FAM3B: variants seen among roughly 807,000 people sequenced by gnomAD.
FAM3B encodes the protein protein FAM3B.
In FAM3B, 29 loss-of-function variants were observed where a neutral mutation model predicts 28.4. The observed-to-expected ratio is 1.02, with a 90% CI of 0.76 to 1.39. The LOEUF (loss-of-function observed/expected upper bound fraction) is 1.39, where lower values mean the gene tolerates loss of function less well. Among genes scored for constraint, FAM3B ranks in the 40% most tolerant of loss-of-function variants. The pLI is 0.00. For missense variants in FAM3B, 266 were observed against 293.9 expected (o/e 0.91, Z 0.69); for synonymous variants, 91 against 103.0 (o/e 0.88, Z 0.71).
At chr21:41,318,523 G>T (rs750102370) in intron 1 of FAM3B, among the ~76,000 whole-genome samples, 7 of 152,182 alleles carry the variant, frequency 4.6e-5, no homozygotes, top group African/African-American at 1.4e-4. Context: ...TGCCAAAAAG[G>T]CTCAGTGCAC....
chr21:41,317,050 C>A, intron 1 of FAM3B, 152 bp downstream of exon 1: 2 of 701,844 alleles, frequency 2.8e-6, no homozygotes, highest in Non-Finnish European at 4.0e-6. Context: ...GACCTGGGAT[C>A]AGGAATGCGG....
chr21:41,332,120 T>C (rs2088911546), intron 2 of FAM3B, among the ~76,000 whole-genome samples: 1 of 152,182 alleles, frequency 6.6e-6, no homozygotes, highest in African/African-American at 2.4e-5. Flanking sequence ...TGAGATCTGG[T>C]CATTTAAAAG....
chr21:41,323,977 A>G (rs2088833458), intron 2 of FAM3B, among the ~76,000 whole-genome samples: 1 of 152,176 alleles, frequency 6.6e-6, no homozygotes, highest in Non-Finnish European at 1.5e-5. Flanking sequence ...CGCAGATTTC[A>G]TGTCTGGTGG....
chr21:41,338,380 C>G lies in FAM3B; in HGVS notation c.166C>G (p.Pro56Ala), dbSNP rs752650804. Reference protein sequence around the residue: ...SIGERPVLKAPVPKRQKCDHW... With the variant: ...SIGERPVLKAAVPKRQKCDHW... ...ATATACTTTCTTATTCATTACAGCT[C>G]CAGTCCCCAAAAGGCAAAAATGTGA... The change falls in exon 3 of 8, where the codon CCA (proline) becomes GCA (alanine). Residue 56 changes from proline to alanine, a missense_variant and splice_region_variant. Pro to Ala is a conservative substitution (Grantham distance 27, BLOSUM62 -1). Transcript: ENST00000357985. The G allele has an allele frequency of 3.1e-6, 5 of 1,614,088 alleles. No homozygotes were observed. Among genetic ancestry groups the G allele is most frequent in the African/African-American group, 2.7e-5 (2 of 75,030 alleles).
At chr21:41,348,380 G>T (rs531915302) in intron 6 of FAM3B, among the ~76,000 whole-genome samples, 1 of 152,272 alleles carries the variant, frequency 6.6e-6, no homozygotes, top group South Asian at 2.1e-4. Context: ...GCCTAAAATG[G>T]CTCTGGATGT....
rs113948355 is a variant in FAM3B, at chr21:41,307,691, G to C, written n.99+3381G>C. Among the ~76,000 whole-genome samples the C allele has an allele frequency of 2.0e-3, 299 of 152,244 alleles. 3 individuals are homozygous for C. Among genetic ancestry groups the C allele is most frequent in the African/African-American group, 6.6e-3 (274 of 41,540 alleles). On this transcript the variant is annotated intron_variant and non_coding_transcript_variant, in intron 1 of 9. Coordinates refer to the FAM3B transcript ENST00000479810. ...TCTCAGGGAACAGGCTCAAGGAGAGGGAGAGAGATGGGGAATAGCTGGTTA... is the reference window on the plus strand; with the variant it reads ...TCTCAGGGAACAGGCTCAAGGAGAGCGAGAGAGATGGGGAATAGCTGGTTA...
chr21:41,314,762 TA>T (rs34615145), upstream of FAM3B, among the ~76,000 whole-genome samples: 63,208 of 147,092 alleles, frequency 0.43, 13,695 homozygotes, highest in East Asian at 0.67. Flanking sequence ...AGGCTACTAT[TA>T]AAAAAAAAAA....
upstream of FAM3B, among the ~76,000 whole-genome samples, chr21:41,314,978 T>C (rs914966671): frequency 6.6e-6 from 1 of 152,156 alleles, no homozygotes; most frequent in African/African-American, 2.4e-5. Context: ...AAGAGATATT[T>C]GCACACCCAT....
chr21:41,339,784 C>T (rs2088987463), intron 3 of FAM3B, among the ~76,000 whole-genome samples: 1 of 152,180 alleles, frequency 6.6e-6, no homozygotes, highest in Non-Finnish European at 1.5e-5. Context: ...TTAATCAAGG[C>T]TCTCCAGAGA....
In FAM3B at chr21:41,322,932, A is replaced by T. The variant is rs772740036; in HGVS notation, c.29A>T (p.Lys10Met). The T allele has an allele frequency of 6.2e-7, 1 of 1,613,994 alleles. No homozygotes were observed. The highest frequency in any genetic ancestry group is 1.1e-5 in the South Asian group (1 of 91,088). The change falls in exon 2 of 8, where the codon AAG becomes ATG. Residue 10 changes from lysine (K) to methionine (M), a missense_variant. Transcript: ENST00000357985. MRPLAGGLL[K>M]VVFVVFASLC... is the part of the protein sequence containing the mutation. ...GGTGTCCTCTCTGCAGGCCTGCTCAAGGTGGTGTTCGTGGTCTTCGCCTCC... is the reference window on the plus strand; with the variant it reads ...GGTGTCCTCTCTGCAGGCCTGCTCATGGTGGTGTTCGTGGTCTTCGCCTCC...
chr21:41,350,955 C>T (rs1048372734), intron 7 of FAM3B, among the ~76,000 whole-genome samples: 1 of 152,192 alleles, frequency 6.6e-6, no homozygotes, highest in Non-Finnish European at 1.5e-5. Flanking sequence ...GTACTCCTGG[C>T]AGCCCGGGCG....
At chr21:41,332,569 A>G (rs569176691) in intron 2 of FAM3B, among the ~76,000 whole-genome samples, 2 of 152,202 alleles carry the variant, frequency 1.3e-5, no homozygotes, top group Admixed American at 1.3e-4. Context: ...CTCCTCTTCA[A>G]TTTTTTGGAA....
intron 6 of FAM3B, among the ~76,000 whole-genome samples, chr21:41,348,289 C>T (rs2089082449): frequency 6.6e-6 from 1 of 151,674 alleles, no homozygotes; most frequent in African/African-American, 2.4e-5. Context: ...ATTGTATTGG[C>T]TGAGTGTGAG....
intron 3 of FAM3B, among the ~76,000 whole-genome samples, chr21:41,341,144 T>G (rs1361876895): frequency 6.6e-6 from 1 of 152,214 alleles, no homozygotes; most frequent in Non-Finnish European, 1.5e-5. Flanking sequence ...ACTTAACAGT[T>G]AATAGAGATT....
chr21:41,316,717 C>G, upstream of FAM3B: 1 of 537,016 alleles, frequency 1.9e-6, no homozygotes, highest in Non-Finnish European at 2.9e-6. Context: ...GCGCACCTGC[C>G]GGGTCCGCAC....
Position 41,326,641 on chromosome 21 carries a change from G to A in FAM3B, c.163+3575G>A, listed in dbSNP as rs988358307. Among the ~76,000 whole-genome samples, 18 of 152,230 alleles carry A rather than the reference G, an allele frequency of 1.2e-4. No individual in the cohort carries two copies. Among genetic ancestry groups the A allele is most frequent in the African/African-American group, 3.9e-4 (16 of 41,466 alleles). On this transcript the variant is annotated intron_variant, in intron 2 of 7. Coordinates refer to ENST00000357985, the MANE Select transcript of FAM3B (RefSeq NM_058186.4). This position sits in a 1 kb window ranked among gnomAD's most constrained non-coding sequence, Gnocchi z 4.0. Reference sequence around the variant, plus strand: ...GTGGGGACCTGCTCGTTCTGCTGCCGATCCCGTAGGGGAAGTCCCTGGGGA... The same window carrying A: ...GTGGGGACCTGCTCGTTCTGCTGCCAATCCCGTAGGGGAAGTCCCTGGGGA...
intron 2 of FAM3B, among the ~76,000 whole-genome samples, chr21:41,330,977 T>A (rs1235027985): frequency 1.3e-5 from 2 of 152,234 alleles, no homozygotes; most frequent in Non-Finnish European, 2.9e-5. Flanking sequence ...GATTGCTTTA[T>A]CATATATTCT....
chr21:41,331,523 A>C (rs928378871), intron 2 of FAM3B, among the ~76,000 whole-genome samples: 4 of 152,064 alleles, frequency 2.6e-5, no homozygotes, highest in African/African-American at 7.2e-5. Context: ...AACCAACATC[A>C]TGGAGCTTTT....
At chr21:41,347,742 A>G (rs575817074) in intron 6 of FAM3B, among the ~76,000 whole-genome samples, 128 of 137,670 alleles carry the variant, frequency 9.3e-4, no homozygotes, top group African/African-American at 3.4e-3. Flanking sequence ...ACAGAGCGAG[A>G]CTGTCTCAAA....
Sources: gnomAD v4.1 joint callset for allele counts (sites outside exome capture counted in the v4.1 genomes callset) on GRCh38, gnomAD v4.1.1 for gene constraint, Gnocchi (gnomAD v3.1) non-coding constraint, MANE v1.5 for transcripts, NCBI Gene and HGNC (gene_info 2026-07-23, HGNC 2026-07-21) for gene names.